DPP10: variants seen among roughly 807,000 people sequenced by gnomAD.
DPP10 encodes the protein inactive dipeptidyl peptidase 10.
In DPP10, 33 loss-of-function variants were observed where a neutral mutation model predicts 120.9. The observed-to-expected ratio is 0.27, with a 90% CI of 0.21 to 0.37. The LOEUF (loss-of-function observed/expected upper bound fraction) is 0.37, where lower values mean the gene tolerates loss of function less well. Among genes scored for constraint, DPP10 ranks in the 10% least tolerant of loss-of-function variants. The probability of loss-of-function intolerance (pLI) is 1.00; values close to 1 mark genes in which losing one functional copy is unlikely to be tolerated. For synonymous variants in DPP10, 337 were observed against 326.1 expected, an observed-to-expected ratio of 1.03 and a Z score of -0.36; for missense variants, 816 against 942.8, an observed-to-expected ratio of 0.87 and a Z score of 1.76.
intron 1 of DPP10, among the ~76,000 whole-genome samples, chr2:114,787,444 A>G (rs551918719): frequency 5.3e-5 from 8 of 152,316 alleles, no homozygotes; most frequent in Admixed American, 2.6e-4. Flanking sequence ...AATTTTGAGC[A>G]GGGAGGTAAG....
At chr2:115,082,900 A>C (rs1708391528) in intron 1 of DPP10, among the ~76,000 whole-genome samples, 1 of 152,348 alleles carries the variant, frequency 6.6e-6, no homozygotes, top group East Asian at 1.9e-4. Context: ...GGTTTGCAGA[A>C]AAACTCAACA....
chr2:114,550,591 G>A (rs775998579), intron 1 of DPP10, among the ~76,000 whole-genome samples: 6 of 152,202 alleles, frequency 3.9e-5, no homozygotes, highest in Non-Finnish European at 7.3e-5. Context: ...ACTGTACACA[G>A]GCTGTTTCCT....
rs117862274 is a variant in DPP10, at chr2:114,771,447, C to A, written c.60+328609C>A. The stretch of plus-strand genomic sequence containing the variant: ...ATCTGCTTCCTGATTCGGCAACGAG[C>A]ATCACCTGTTACCTGAGGGAGTCCA... On this transcript the variant is annotated intron_variant, in intron 1 of 25. Coordinates refer to ENST00000410059, the MANE Select transcript of DPP10 (RefSeq NM_020868.6). 2.3e-4 allele frequency among the ~76,000 whole-genome samples: 35 copies of A among 152,330 alleles called. No individual in the cohort carries two copies. In the East Asian group the frequency reaches 6.7e-3, roughly 29 times the overall value.
intron 1 of DPP10, among the ~76,000 whole-genome samples, chr2:115,227,832 C>CT (rs2057514146): frequency 1.3e-5 from 2 of 151,146 alleles, no homozygotes; most frequent in South Asian, 2.1e-4. Context: ...TTTTTATTCT[C>CT]TTTTTTCAAA....
At chr2:115,829,746 CTTA>C (rs1189213039) in intron 21 of DPP10, among the ~76,000 whole-genome samples, 1 of 151,664 alleles carries the variant, frequency 6.6e-6, no homozygotes, top group African/African-American at 2.4e-5. Flanking sequence ...CTAACTATTG[CTTA>C]TTATTTGTGT....
At chr2:115,126,941 C>A (rs2050112004) in intron 1 of DPP10, among the ~76,000 whole-genome samples, 1 of 152,146 alleles carries the variant, frequency 6.6e-6, no homozygotes, top group Admixed American at 6.5e-5. Context: ...CATTCAATAG[C>A]ATATTTTTTT....
chr2:115,703,367 A>G (rs1046991515), intron 7 of DPP10, among the ~76,000 whole-genome samples: 1 of 152,028 alleles, frequency 6.6e-6, no homozygotes, highest in African/African-American at 2.4e-5. Flanking sequence ...AATTCTCCAG[A>G]AAAACAAAAC....
chr2:115,607,687 T>A (rs540812109), intron 5 of DPP10, among the ~76,000 whole-genome samples: 1 of 152,332 alleles, frequency 6.6e-6, no homozygotes, highest in South Asian at 2.1e-4. Context: ...CATATCACAC[T>A]TGTTTTATTC....
At chr2:115,280,452 A>G (rs1356637342) in intron 1 of DPP10, among the ~76,000 whole-genome samples, 2 of 152,234 alleles carry the variant, frequency 1.3e-5, no homozygotes, top group African/African-American at 2.4e-5. Flanking sequence ...GTCTATAAAC[A>G]ATAAGTAAAT....
At chr2:115,402,929 GTATATATATA>G (rs776426536) in intron 3 of DPP10, among the ~76,000 whole-genome samples, 12 of 128,100 alleles carry the variant, frequency 9.4e-5, no homozygotes, top group African/African-American at 3.2e-4. Flanking sequence ...ATATATATAT[GTATATATATA>G]TGTGTGTGTG....
intron 5 of DPP10, among the ~76,000 whole-genome samples, chr2:115,534,915 G>C (rs933169852): frequency 6.6e-6 from 1 of 151,836 alleles, no homozygotes; most frequent in African/African-American, 2.4e-5. Context: ...GTCTTCTTTT[G>C]AGAAGTGTCT....
chr2:115,620,468 G>C (rs1291054865), intron 5 of DPP10, among the ~76,000 whole-genome samples: 1 of 152,120 alleles, frequency 6.6e-6, no homozygotes, highest in Non-Finnish European at 1.5e-5. Flanking sequence ...GCAAAACAAA[G>C]GTCAAATGTT....
chr2:114,914,991 C>T (rs997570246), intron 1 of DPP10, among the ~76,000 whole-genome samples: 1 of 152,084 alleles, frequency 6.6e-6, no homozygotes, highest in Non-Finnish European at 1.5e-5. Flanking sequence ...ATTAGCCGGG[C>T]GTAGTGGTGG....
chr2:115,687,560 A>G (rs1171005442), intron 5 of DPP10, among the ~76,000 whole-genome samples: 1 of 152,010 alleles, frequency 6.6e-6, no homozygotes, highest in Non-Finnish European at 1.5e-5. Context: ...ATGTTACTGC[A>G]TTCTGCTGTG....
chr2:115,687,151 G>C (rs1385024279), intron 5 of DPP10, among the ~76,000 whole-genome samples: 1 of 151,982 alleles, frequency 6.6e-6, no homozygotes, highest in East Asian at 1.9e-4. Flanking sequence ...CAGATGTTCA[G>C]TAAAGCTAAA....
intron 9 of DPP10, among the ~76,000 whole-genome samples, chr2:115,740,851 G>A (rs923688766): frequency 8.5e-5 from 13 of 152,214 alleles, no homozygotes; most frequent in African/African-American, 2.2e-4. Context: ...TATGGGAAAC[G>A]TGTAAAATTT....
chr2:114,798,670 G>A (rs554366969), intron 1 of DPP10, among the ~76,000 whole-genome samples: 1 of 152,282 alleles, frequency 6.6e-6, no homozygotes, highest in South Asian at 2.1e-4. Flanking sequence ...AGGGGTGGGG[G>A]CACGAGGAGG....
chr2:115,659,618 GAGTC>G (rs1558991502), intron 5 of DPP10, among the ~76,000 whole-genome samples: 1 of 152,146 alleles, frequency 6.6e-6, no homozygotes, highest in Non-Finnish European at 1.5e-5. Context: ...ATTTGATACT[GAGTC>G]AGTGCTTTCA....
chr2:115,275,145 A>G (rs2059859044), intron 1 of DPP10, among the ~76,000 whole-genome samples: 1 of 152,226 alleles, frequency 6.6e-6, no homozygotes, highest in South Asian at 2.1e-4. Context: ...CATTTCATGC[A>G]GGGCATTTCA....
Sources: gnomAD v4.1 joint callset for allele counts (sites outside exome capture counted in the v4.1 genomes callset) on GRCh38, gnomAD v4.1.1 for gene constraint, MANE v1.5 for transcripts, NCBI Gene and HGNC (gene_info 2026-07-23, HGNC 2026-07-21) for gene names.